STAB1: variants seen among roughly 807,000 people sequenced by gnomAD.
The protein encoded by STAB1 is stabilin-1.
STAB1 carries 250 observed loss-of-function variants against 332.4 expected under a neutral mutation model. The ratio of observed to expected loss-of-function variants is 0.75; its 90% CI spans 0.68 to 0.84. The LOEUF is 0.84. STAB1 is among the 40% of genes least tolerant of loss of function. The pLI is 0.00. For missense variants in STAB1, 3,249 were observed against 3,489.7 expected, an observed-to-expected ratio of 0.93 and a Z score of 1.74; for synonymous variants, 1,475 against 1,390.4, an observed-to-expected ratio of 1.06 and a Z score of -1.35.
Position 52,522,031 on chromosome 3 carries a change from C to T in STAB1, c.6272-6C>T, listed in dbSNP as rs2079090215. On this transcript the variant is annotated splice_region_variant and splice_polypyrimidine_tract_variant and intron_variant, in intron 58 of 68. Coordinates refer to ENST00000321725, the MANE Select transcript of STAB1 (RefSeq NM_015136.3). Reference sequence around the variant, plus strand: ...CTAGGTCCAACCACTCCCTCCCTGCCCTCAGTGGCAGACCTGTGCCAGGAC... The same window carrying T: ...CTAGGTCCAACCACTCCCTCCCTGCTCTCAGTGGCAGACCTGTGCCAGGAC... The T allele has an allele frequency of 1.2e-6, 2 of 1,612,970 alleles. No individual in the cohort carries two copies. Among genetic ancestry groups the T allele is most frequent in the Admixed American group, 1.7e-5 (1 of 59,994 alleles).
intron 48 of STAB1, 95 bp from the exon 49 acceptor site, chr3:52,519,169 G>A: frequency 6.6e-7 from 1 of 1,514,654 alleles, no homozygotes; most frequent in African/African-American, 1.4e-5. Context: ...CCTGCACCCT[G>A]ACTTGCCCAA....
At position 52,523,681 on chromosome 3, in the gene STAB1, CATT is replaced by C. The variant is rs764918235; in HGVS notation, c.7321_7323del (p.Ile2441del). The C allele has an allele frequency of 7.3e-5, 118 of 1,612,706 alleles. No homozygotes were observed. Among genetic ancestry groups the C allele is most frequent in the Non-Finnish European group, 9.2e-5 (109 of 1,179,874 alleles). On this transcript the variant is annotated inframe_deletion, in exon 66 of 69. Transcript: ENST00000321725. ...CAGGGACAGTTGTGGTTAGCCGTAT[CATT>C]GTGTGGGACATCATGGCCTTCAATG... is the stretch of plus-strand genomic sequence containing the variant.
chr3:52,509,964 C>T lies in STAB1; in HGVS notation c.2442C>T (p.Phe814=). The stretch of plus-strand genomic sequence containing the variant: ...GTGCCCCTGGCTTCAGTGGCCGGTT[C>T]TGCAACGAGTCCATGGGGGACTGTG... ...GTCAPGFSGR[F]CNESMGDCGP... The change falls in exon 23 of 69, where the codon TTC becomes TTT. Residue 814 remains phenylalanine (F), a synonymous_variant. Coordinates refer to ENST00000321725, the MANE Select transcript of STAB1 (RefSeq NM_015136.3). The T allele has an allele frequency of 6.2e-7, 1 of 1,612,374 alleles. No homozygotes were observed. The highest frequency in any genetic ancestry group is 8.5e-7 in the Non-Finnish European group (1 of 1,179,594).
Position 52,503,356 on chromosome 3 carries a change from G to T in STAB1, c.707G>T (p.Cys236Phe). ...QGSECRAPNP[C>F]WPSPCSLLAQ... is the part of the protein sequence containing the mutation. ...TCTGCCCTGGCAGCCCCCAACCCCT[G>T]CTGGCCATCACCCTGCTCACTGCTG... Residue 236 changes from cysteine (C) to phenylalanine (F), a missense_variant, in exon 8 of 69, where the codon TGC (cysteine) becomes TTC (phenylalanine). Cys to Phe is a radical substitution (Grantham distance 205, BLOSUM62 -2). Transcript: ENST00000321725. The T allele has an allele frequency of 6.2e-7, 1 of 1,610,880 alleles. No individual in the cohort carries two copies. The highest frequency in any genetic ancestry group is 8.5e-7 in the Non-Finnish European group (1 of 1,178,274).
rs201942351 is a variant in STAB1 at position 52,523,221 on chromosome 3, G to A, written c.7021-1G>A. ...ATAGTTCTGTCTTTCCACCGTGCCAGATGCTATTGGGCTATGCCAATGCCA... is the reference window on the plus strand; with the variant it reads ...ATAGTTCTGTCTTTCCACCGTGCCAAATGCTATTGGGCTATGCCAATGCCA... On this transcript the variant is annotated splice_acceptor_variant, in intron 63 of 68. Coordinates refer to ENST00000321725, the MANE Select transcript of STAB1 (RefSeq NM_015136.3). LOFTEE classifies it high-confidence loss of function. The A allele has an allele frequency of 6.2e-7, 1 of 1,613,144 alleles. No individual in the cohort carries two copies. The highest frequency in any genetic ancestry group is 1.3e-5 in the African/African-American group (1 of 75,054).
chr3:52,498,428 T>TG (rs1313651875), intron 1 of STAB1, among the ~76,000 whole-genome samples: 1 of 151,996 alleles, frequency 6.6e-6, no homozygotes, highest in East Asian at 1.9e-4. Context: ...TTCCAGGCCA[T>TG]GGGGCGGAGG....
intron 3 of STAB1, 32 bp downstream of exon 3, chr3:52,501,785 C>T (rs1452064778): frequency 5.8e-6 from 9 of 1,541,038 alleles, no homozygotes; most frequent in South Asian, 1.2e-5. Context: ...CGCCTTGCGC[C>T]TCCCACCCAG....
At chr3:52,515,302 G>T (rs1405384187) in intron 36 of STAB1, 121 bp from the exon 37 acceptor site, 10 of 1,027,672 alleles carry the variant, frequency 9.7e-6, no homozygotes, top group Non-Finnish European at 1.3e-5. Flanking sequence ...GTCCCTCTCT[G>T]ACCCTTCTGC....
chr3:52,507,004 C>T (rs908442381), intron 18 of STAB1, among the ~76,000 whole-genome samples, 154 bp downstream of exon 18: 1 of 152,198 alleles, frequency 6.6e-6, no homozygotes, highest in Non-Finnish European at 1.5e-5. Flanking sequence ...ACCTGTGCTT[C>T]CCCCACGCTC....
Position 52,518,782 on chromosome 3 carries a change from C to A in STAB1, c.4947C>A (p.Gly1649=). 6.2e-7 allele frequency: 1 copy of A among 1,612,322 alleles called. No individual in the cohort carries two copies. The highest frequency in any genetic ancestry group is 8.5e-7 in the Non-Finnish European group (1 of 1,179,792). ...TGGTGTTTCGCTACCACGTGGTTGGCTGTCGGCGGCTGCGGAGCGAGGACC... is the reference window on the plus strand; with the variant it reads ...TGGTGTTTCGCTACCACGTGGTTGGATGTCGGCGGCTGCGGAGCGAGGACC... ...RQLVFRYHVV[G]CRRLRSEDLL... Residue 1649 remains glycine (G), a synonymous_variant, in exon 48 of 69, where the codon GGC becomes GGA. Coordinates refer to ENST00000321725, the MANE Select transcript of STAB1 (RefSeq NM_015136.3).
At position 52,523,914 on chromosome 3, in the gene STAB1, TG is replaced by T; in HGVS notation, c.7444del (p.Ala2482LeufsTer118). 6.2e-7 allele frequency: 1 copy of T among 1,608,806 alleles called. No homozygotes were observed. ...GAAGCCCCACCTGTGGCGGCAGGCG[TG>T]GGGGCTGTGCTTGCCGCTGGAGCAC... ...APEAPPVAAGVGAVLAAGALL... is the reference protein window; with the variant it reads ...APEAPPVAAGXGAVLAAGALL... On this transcript the variant is annotated frameshift_variant, in exon 67 of 69. Transcript: ENST00000321725. LOFTEE classifies it high-confidence loss of function.
At chr3:52,496,417 G>A (rs1708028341) in intron 1 of STAB1, among the ~76,000 whole-genome samples, 1 of 152,244 alleles carries the variant, frequency 6.6e-6, no homozygotes, top group Non-Finnish European at 1.5e-5. Flanking sequence ...CCAGAGCGGG[G>A]AGGACTTGCC....
chr3:52,504,329 C>T, intron 10 of STAB1, 132 bp from the exon 11 acceptor site: 1 of 1,350,782 alleles, frequency 7.4e-7, no homozygotes, highest in Non-Finnish European at 1.0e-6. Flanking sequence ...CCTCAAGGCC[C>T]CCATCTACCC....
chr3:52,501,918 G>A (rs1369655899), intron 3 of STAB1, 88 bp from the exon 4 acceptor site: 1 of 1,531,098 alleles, frequency 6.5e-7, no homozygotes, highest in Non-Finnish European at 9.0e-7. Context: ...CTTGGGGGAG[G>A]GGCCGAGTCT....
chr3:52,519,809 A>T (rs140457123), intron 50 of STAB1, 135 bp from the exon 51 acceptor site: 1 of 1,250,638 alleles, frequency 8.0e-7, no homozygotes, highest in Non-Finnish European at 1.1e-6. Flanking sequence ...GTGCACACAC[A>T]TGCCTGCCTG....
chr3:52,523,529 C>A lies in STAB1; in HGVS notation c.7243C>A (p.Leu2415Ile), dbSNP rs1559728516. 3.7e-6 allele frequency: 6 copies of A among 1,612,938 alleles called. No homozygotes were observed. The highest frequency in any genetic ancestry group is 5.1e-6 in the Non-Finnish European group (6 of 1,179,994). ...KLLPAHSGLS[L>I]IISDAGPDNS... is the part of the protein sequence containing the mutation. ...GCTTCCGGCCCACTCAGGCCTCAGC[C>A]TCATCATCAGTGACGCAGGCCCTGA... The change falls in exon 65 of 69, where the codon CTC becomes ATC. Residue 2415 changes from leucine to isoleucine, a missense_variant. Physicochemically the swap from Leu to Ile is conservative, Grantham distance 5. Coordinates refer to ENST00000321725, the MANE Select transcript of STAB1 (RefSeq NM_015136.3).
intron 44 of STAB1, 64 bp from the exon 45 acceptor site, chr3:52,517,803 TGGCCTCTTTCACAG>T (rs2153233890): frequency 6.2e-7 from 1 of 1,601,426 alleles, no homozygotes; most frequent in South Asian, 1.1e-5. Context: ...GGGGCCTTCA[TGGCCTCTTTCACAG>T]GGCTGAGTGG....
Position 52,523,751 on chromosome 3 carries a change from C to A in STAB1, c.7390C>A (p.Gln2464Lys), listed in dbSNP as rs1336838153. The A allele has an allele frequency of 3.5e-5, 56 of 1,598,692 alleles. No homozygotes were observed. The highest frequency in any genetic ancestry group is 4.8e-5 in the Non-Finnish European group (56 of 1,168,564). ...ALASPLLAPPQPQAVLAPEAP... is the reference protein window; with the variant it reads ...ALASPLLAPPKPQAVLAPEAP... ...GGCCAGCCCCCTCCTGGCACCCCCACAGCCCGTGAGTTGAGGAAGGGGGAG... is the reference window on the plus strand; with the variant it reads ...GGCCAGCCCCCTCCTGGCACCCCCAAAGCCCGTGAGTTGAGGAAGGGGGAG... Residue 2464 changes from glutamine (Q) to lysine (K), a missense_variant, in exon 66 of 69, where the codon CAG (glutamine) becomes AAG (lysine). Transcript: ENST00000321725.
chr3:52,521,109 G>C, intron 55 of STAB1, 104 bp downstream of exon 55: 1 of 1,352,062 alleles, frequency 7.4e-7, no homozygotes, highest in Non-Finnish European at 9.8e-7. Context: ...TCCAGGGCTG[G>C]GGAGCTCTGG....
Sources: allele counts gnomAD v4.1 joint callset (sites outside exome capture counted in the v4.1 genomes callset), GRCh38; gene constraint gnomAD v4.1.1; transcripts MANE v1.5; gene names NCBI Gene and HGNC (gene_info 2026-07-23, HGNC 2026-07-21).